IRAK1BP1: variants seen among roughly 807,000 people sequenced by gnomAD.
IRAK1BP1 encodes the protein interleukin 1 receptor associated kinase 1 binding protein 1.
Under a neutral mutation model 28.0 loss-of-function variants are expected in IRAK1BP1, and 24 were observed. The ratio of observed to expected loss-of-function variants is 0.86; its 90% CI spans 0.62 to 1.20. The LOEUF (loss-of-function observed/expected upper bound fraction) is 1.20, where lower values mean the gene tolerates loss of function less well. Ranked by LOEUF, IRAK1BP1 falls within the 50% of genes most tolerant of loss-of-function variation. IRAK1BP1 has a pLI of 0.00. For missense variants in IRAK1BP1, 336 were observed against 316.7 expected (o/e 1.06, Z -0.46); for synonymous variants, 131 against 116.3 (o/e 1.13, Z -0.81).
chr6:78,911,204 C>T (rs1772408653), intron 4 of IRAK1BP1, among the ~76,000 whole-genome samples: 1 of 152,130 alleles, frequency 6.6e-6, no homozygotes, highest in Non-Finnish European at 1.5e-5. Context: ...AAATTACCTA[C>T]TCCAGTGTCA....
chr6:78,964,526 T>C, the IRAK1BP1 span, among the ~76,000 whole-genome samples: 3 of 152,216 alleles, frequency 2.0e-5, no homozygotes, highest in Admixed American at 6.5e-5. Flanking sequence ...GGAGTCTCGC[T>C]CTGTTGCCCA....
chr6:78,970,622 T>A, the IRAK1BP1 span, among the ~76,000 whole-genome samples: 1 of 152,164 alleles, frequency 6.6e-6, no homozygotes, highest in Non-Finnish European at 1.5e-5. Flanking sequence ...TTTCTCTGGA[T>A]GAAAATTAAA....
the IRAK1BP1 span, among the ~76,000 whole-genome samples, chr6:78,952,870 G>T: frequency 6.7e-6 from 1 of 148,914 alleles, no homozygotes; most frequent in African/African-American, 2.5e-5. Context: ...TTTTTTCTTG[G>T]TGGTACATAT....
chr6:78,931,736 G>A (rs373443376), intron 4 of IRAK1BP1, among the ~76,000 whole-genome samples: 1 of 152,180 alleles, frequency 6.6e-6, no homozygotes, highest in Admixed American at 6.5e-5. Flanking sequence ...CTTTCAGAAA[G>A]TCAGAATCTT....
rs546655599 is a variant in IRAK1BP1, at chr6:78,937,994, A to G, written c.*68-7414A>G. ...TATTGCTTACCTAAGACAACTGCCA[A>G]TATTTCTTTCTGGCCTATTAACAGT... is the stretch of plus-strand genomic sequence containing the variant. On this transcript the variant is annotated intron_variant and NMD_transcript_variant, in intron 4 of 4. Coordinates refer to the IRAK1BP1 transcript ENST00000606868. The G allele has an allele frequency of 2.6e-4, 40 of 151,806 alleles. 1 individual carries two copies. In the South Asian group the frequency reaches 8.1e-3, roughly 31 times the overall value. 9.4% of individuals were successfully genotyped at this position (151,806 alleles called of 1,614,324 possible).
chr6:78,927,581 T>C (rs1772923095), intron 4 of IRAK1BP1, among the ~76,000 whole-genome samples: 1 of 152,140 alleles, frequency 6.6e-6, no homozygotes, highest in Non-Finnish European at 1.5e-5. Flanking sequence ...TTATCTGTGG[T>C]TGTGTGTTAC....
the IRAK1BP1 span, among the ~76,000 whole-genome samples, chr6:78,975,381 A>T: frequency 3.3e-5 from 5 of 152,332 alleles, no homozygotes; most frequent in South Asian, 1.0e-3. Context: ...TTTCAAAATA[A>T]TCAGAGCTAT....
At chr6:78,903,240 C>T (rs1401738575), downstream of IRAK1BP1, 6 of 492,048 alleles carry the variant, frequency 1.2e-5, no homozygotes, top group East Asian at 1.6e-4. Flanking sequence ...CCCAACACTT[C>T]GGGAGGCCGA....
In IRAK1BP1 at chr6:78,898,418, ATATATATATATATATATATATATATATGG is replaced by A. The variant is rs1432452595; in HGVS notation, c.*89_*117del. On this transcript the variant is annotated 3_prime_UTR_variant, in exon 4 of 4. Coordinates refer to ENST00000369940, the MANE Select transcript of IRAK1BP1 (RefSeq NM_001010844.4). ...ATGTTTACGTTTGTCCTGAATATAT[ATATATATATATATATATATATATATATGG>A]TATAGGAGATAAGCTATTTCTTTCC... 85 of 142,280 alleles carry A rather than the reference ATATATATATATATATATATATATATATGG, an allele frequency of 6.0e-4. 17 individuals are homozygous for A. The South Asian group carries it at 0.018, about 30-fold the overall frequency. The allele number at this position is 142,280 out of a possible 1,614,324, so 8.8% of individuals were successfully genotyped here.
At chr6:78,930,001 A>G (rs1773000664) in intron 4 of IRAK1BP1, among the ~76,000 whole-genome samples, 1 of 152,120 alleles carries the variant, frequency 6.6e-6, no homozygotes, top group East Asian at 1.9e-4. Flanking sequence ...CAGTGGCACT[A>G]TCTCAGCTCA....
the IRAK1BP1 span, chr6:78,970,673 T>A: frequency 1.5e-6 from 1 of 686,852 alleles, no homozygotes. Flanking sequence ...AAACAAGGTA[T>A]CTTCATGATG....
the IRAK1BP1 span, chr6:78,958,682 C>T: frequency 1.2e-6 from 1 of 841,584 alleles, no homozygotes; most frequent in Non-Finnish European, 2.0e-6. Flanking sequence ...GACATTCCAA[C>T]TTTTCAACTT....
chr6:78,873,775 A>G (rs1770885410), intron 1 of IRAK1BP1, among the ~76,000 whole-genome samples: 1 of 152,210 alleles, frequency 6.6e-6, no homozygotes, highest in Non-Finnish European at 1.5e-5. Flanking sequence ...CTAGCCTTAT[A>G]GAACTATTAA....
chr6:78,870,665 A>G (rs1303627350), intron 1 of IRAK1BP1, among the ~76,000 whole-genome samples: 3 of 152,106 alleles, frequency 2.0e-5, no homozygotes, highest in South Asian at 2.1e-4. Context: ...TACTCATTCA[A>G]CCAACAAACA....
At chr6:78,882,111 GATCTTGGTTCTACATAA>G (rs1438190473) in intron 1 of IRAK1BP1, among the ~76,000 whole-genome samples, 2 of 152,090 alleles carry the variant, frequency 1.3e-5, no homozygotes, top group African/African-American at 4.8e-5. Context: ...TCAGCATTCA[GATCTTGGTTCTACATAA>G]ATCTCAAAGA....
At chr6:78,928,779 T>C (rs1017012661) in intron 4 of IRAK1BP1, among the ~76,000 whole-genome samples, 4 of 152,192 alleles carry the variant, frequency 2.6e-5, no homozygotes, top group Non-Finnish European at 4.4e-5. Flanking sequence ...AATGATCATA[T>C]GGTTTTTGTT....
At chr6:78,949,563 C>T (rs371113727), downstream of IRAK1BP1, among the ~76,000 whole-genome samples, 2 of 152,102 alleles carry the variant, frequency 1.3e-5, no homozygotes, top group South Asian at 2.1e-4. Flanking sequence ...TGCAGAAACC[C>T]CAATAAAGGA....
intron 4 of IRAK1BP1, among the ~76,000 whole-genome samples, chr6:78,921,625 C>T (rs1296270532): frequency 6.6e-6 from 1 of 152,206 alleles, no homozygotes; most frequent in Non-Finnish European, 1.5e-5. Flanking sequence ...CAGACTGCCT[C>T]CTCAAGTGGG....
At position 78,902,809 on chromosome 6, in the gene IRAK1BP1, T is replaced by G; in HGVS notation, c.*4475T>G. 1 of 249,790 alleles carries G rather than the reference T, an allele frequency of 4.0e-6. No individual in the cohort carries two copies. The highest frequency in any genetic ancestry group is 7.3e-6 in the Non-Finnish European group (1 of 136,234). 15.5% of individuals were successfully genotyped at this position (249,790 alleles called of 1,614,324 possible). Reference sequence around the variant, plus strand: ...ATACATACATACATACATACATACATACATACATACATAAAATGCCCAGTA... The same window carrying G: ...ATACATACATACATACATACATACAGACATACATACATAAAATGCCCAGTA... On this transcript the variant is annotated 3_prime_UTR_variant, in exon 4 of 4. Coordinates refer to ENST00000369940, the MANE Select transcript of IRAK1BP1 (RefSeq NM_001010844.4).
Sources: allele counts gnomAD v4.1 joint callset (sites outside exome capture counted in the v4.1 genomes callset), GRCh38; gene constraint gnomAD v4.1.1; transcripts MANE v1.5; gene names NCBI Gene and HGNC (gene_info 2026-07-23, HGNC 2026-07-21).